The following FBXL17 variants were observed in gnomAD, a reference collection of about 807,000 sequenced individuals.
The protein encoded by FBXL17 is F-box and leucine rich repeat protein 17.
A neutral mutation model predicts 66.2 loss-of-function variants in FBXL17; 22 were observed. The ratio of observed to expected loss-of-function variants is 0.33; its 90% CI spans 0.24 to 0.47. FBXL17 has a LOEUF of 0.47. Ranked by LOEUF, FBXL17 falls within the 20% of genes least tolerant of loss-of-function variation. The pLI, the probability that FBXL17 is intolerant of heterozygous loss-of-function variation, is 1.00. For missense variants in FBXL17, 878 were observed against 948.2 expected (o/e 0.93, Z 0.97); for synonymous variants, 474 against 400.5 (o/e 1.18, Z -2.19).
chr5:108,309,156 C>G (rs906392366), intron 4 of FBXL17, among the ~76,000 whole-genome samples: 2 of 151,954 alleles, frequency 1.3e-5, no homozygotes, highest in Non-Finnish European at 2.9e-5. Context: ...AGACCAAAGT[C>G]GTTTTTTAAA....
At chr5:108,325,971 T>G (rs1759829144) in intron 4 of FBXL17, among the ~76,000 whole-genome samples, 2 of 152,166 alleles carry the variant, frequency 1.3e-5, no homozygotes, top group Non-Finnish European at 2.9e-5. Context: ...AACACTCTTC[T>G]AGACAGAGGA....
chr5:108,135,275 T>C (rs887267242), intron 6 of FBXL17, among the ~76,000 whole-genome samples: 7 of 152,132 alleles, frequency 4.6e-5, no homozygotes, highest in Non-Finnish European at 8.8e-5. Flanking sequence ...ACACTCCTTA[T>C]AACAGCTCCT....
At chr5:108,368,045 A>G (rs1192155031) in intron 1 of FBXL17, 92 bp from the exon 2 acceptor site, 6 of 1,248,176 alleles carry the variant, frequency 4.8e-6, no homozygotes, top group Non-Finnish European at 1.1e-6. Flanking sequence ...TTAACTTTGT[A>G]AAAAGAAAAC....
At chr5:108,237,406 G>GGTTCA (rs1434871770) in intron 4 of FBXL17, among the ~76,000 whole-genome samples, 1 of 152,106 alleles carries the variant, frequency 6.6e-6, no homozygotes, top group Non-Finnish European at 1.5e-5. Flanking sequence ...ATCCCAGTTC[G>GGTTCA]GTTCAGTTCA....
chr5:108,283,073 C>T (rs1349133048), intron 4 of FBXL17, among the ~76,000 whole-genome samples: 1 of 151,746 alleles, frequency 6.6e-6, no homozygotes, highest in East Asian at 1.9e-4. Context: ...ATGGCCCACA[C>T]TGCCTAAAAC....
At chr5:107,994,224 G>A (rs2112699698) in intron 7 of FBXL17, among the ~76,000 whole-genome samples, 1 of 151,988 alleles carries the variant, frequency 6.6e-6, no homozygotes, top group East Asian at 1.9e-4. Context: ...CGCAAATATT[G>A]ATTTTAAAAA....
chr5:107,992,634 T>A (rs181898276), intron 7 of FBXL17, among the ~76,000 whole-genome samples: 204 of 152,322 alleles, frequency 1.3e-3, no homozygotes, highest in South Asian at 6.8e-3. Flanking sequence ...GTACACATTT[T>A]AAAAATTTTT....
intron 4 of FBXL17, among the ~76,000 whole-genome samples, chr5:108,247,725 C>T (rs1009116980): frequency 1.3e-5 from 2 of 151,966 alleles, no homozygotes; most frequent in Non-Finnish European, 2.9e-5. Flanking sequence ...ATTCTGCTGC[C>T]TTTTAAACTT....
At chr5:108,301,384 T>C (rs1055184183) in intron 4 of FBXL17, among the ~76,000 whole-genome samples, 1 of 151,856 alleles carries the variant, frequency 6.6e-6, no homozygotes, top group East Asian at 1.9e-4. Context: ...TCCAAAACGA[T>C]GTTAGGTCAG....
chr5:108,342,133 T>C (rs1746926532), intron 4 of FBXL17, among the ~76,000 whole-genome samples: 1 of 152,118 alleles, frequency 6.6e-6, no homozygotes, highest in African/African-American at 2.4e-5. Flanking sequence ...CTGAAACAAG[T>C]GTTAAGGAAC....
chr5:108,242,404 T>C (rs2150102509), intron 4 of FBXL17, among the ~76,000 whole-genome samples: 1 of 151,704 alleles, frequency 6.6e-6, no homozygotes, highest in African/African-American at 2.4e-5. Flanking sequence ...GTTGTCATTG[T>C]AGGGATGAGT....
intron 6 of FBXL17, among the ~76,000 whole-genome samples, chr5:108,115,892 C>T (rs1750229670): frequency 6.6e-6 from 1 of 152,146 alleles, no homozygotes; most frequent in Non-Finnish European, 1.5e-5. Flanking sequence ...GCAGTCAAGG[C>T]TCAAAGAGAT....
At position 108,269,217 on chromosome 5, in the gene FBXL17, G is replaced by T. The variant is rs145763905; in HGVS notation, c.1507-44989C>A. Among the ~76,000 whole-genome samples, 304 of 152,120 alleles carry T rather than the reference G, an allele frequency of 2.0e-3. 1 individual carries two copies. The highest frequency in any genetic ancestry group is 7.2e-3 in the African/African-American group (299 of 41,554). ...TAAGGAGTAGGAGGAAGGTAAGAGT[G>T]ATCTTCTTGAACCTACTGTTTTTCA... is the stretch of plus-strand genomic sequence containing the variant. On this transcript the variant is annotated intron_variant, in intron 4 of 8. Coordinates refer to ENST00000542267, the MANE Select transcript of FBXL17 (RefSeq NM_001163315.3).
intron 6 of FBXL17, among the ~76,000 whole-genome samples, chr5:108,083,192 T>C (rs1177906844): frequency 6.8e-6 from 1 of 146,336 alleles, no homozygotes. Flanking sequence ...TCCATCTCCA[T>C]GGCTTCTCCC....
At chr5:108,194,374 G>T (rs1312671122) in intron 5 of FBXL17, among the ~76,000 whole-genome samples, 2 of 147,764 alleles carry the variant, frequency 1.4e-5, no homozygotes, top group East Asian at 3.9e-4. Context: ...ATATAGAGAG[G>T]AAAAAAAAAA....
At chr5:107,880,732 C>A in intron 8 of FBXL17, 1 of 1,285,680 alleles carries the variant, frequency 7.8e-7, no homozygotes, top group Non-Finnish European at 9.8e-7. Context: ...GTCATGTAAT[C>A]TTTTACATTT....
At chr5:107,904,775 AAAT>A (rs1749697095) in intron 7 of FBXL17, among the ~76,000 whole-genome samples, 3 of 152,214 alleles carry the variant, frequency 2.0e-5, no homozygotes, top group Admixed American at 6.5e-5. Flanking sequence ...CAAATGTGTA[AAAT>A]AATATCCATG....
chr5:108,069,771 A>G (rs568798444), intron 6 of FBXL17, among the ~76,000 whole-genome samples: 5 of 152,246 alleles, frequency 3.3e-5, no homozygotes, highest in Admixed American at 3.3e-4. Context: ...AGAGCTGACA[A>G]CTCCTTACAT....
chr5:108,220,183 A>G (rs937115111), intron 5 of FBXL17, among the ~76,000 whole-genome samples: 3 of 151,964 alleles, frequency 2.0e-5, no homozygotes, highest in Admixed American at 6.6e-5. Flanking sequence ...GTTATTTAGG[A>G]TTGAATGCAT....
Sources: allele counts gnomAD v4.1 joint callset (sites outside exome capture counted in the v4.1 genomes callset), GRCh38; gene constraint gnomAD v4.1.1; transcripts MANE v1.5; gene names NCBI Gene and HGNC (gene_info 2026-07-23, HGNC 2026-07-21).